Variants in NID1 observed in about 807,000 individuals in gnomAD.
NID1 encodes the protein nidogen-1.
NID1 carries 76 observed loss-of-function variants against 130.6 expected under a neutral mutation model. That is an observed-to-expected ratio of 0.58 (90% confidence interval 0.48 to 0.70). NID1 has a LOEUF of 0.70. NID1 is among the 30% of genes least tolerant of loss of function. The pLI, the probability that NID1 is intolerant of heterozygous loss-of-function variation, is 0.00. For missense variants in NID1, 1,517 were observed against 1,664.8 expected, an observed-to-expected ratio of 0.91 and a Z score of 1.54; for synonymous variants, 665 against 675.1, an observed-to-expected ratio of 0.98 and a Z score of 0.23.
At chr1:236,052,227 T>C (rs1659778634) in intron 1 of NID1, among the ~76,000 whole-genome samples, 1 of 152,278 alleles carries the variant, frequency 6.6e-6, no homozygotes, top group South Asian at 2.1e-4. Flanking sequence ...AAGTCTCATT[T>C]TGCAAAGTCT....
intron 4 of NID1, 106 bp from the exon 5 acceptor site, chr1:236,038,359 A>G: frequency 2.4e-6 from 3 of 1,231,390 alleles, no homozygotes; most frequent in Non-Finnish European, 3.4e-6. Context: ...TCACACCTGC[A>G]TGGGCAATTC....
chr1:235,995,364 T>C (rs1205030385), intron 12 of NID1, among the ~76,000 whole-genome samples: 1 of 152,206 alleles, frequency 6.6e-6, no homozygotes, highest in African/African-American at 2.4e-5. Flanking sequence ...ACCTGTGGAT[T>C]GGTATCTTCA....
intron 5 of NID1, among the ~76,000 whole-genome samples, chr1:236,036,999 C>T (rs74149508): frequency 0.023 from 3,478 of 152,246 alleles, 138 homozygotes; most frequent in African/African-American, 0.079. Flanking sequence ...GGGGTTTTGC[C>T]ATTTTTGTGT....
At chr1:236,050,923 CA>C (rs111318588) in intron 1 of NID1, among the ~76,000 whole-genome samples, 8,998 of 149,060 alleles carry the variant, frequency 0.06, 788 homozygotes, top group African/African-American at 0.19. Context: ...ACTAAAAATA[CA>C]AAAAAAAAAT....
chr1:236,021,500 C>G (rs1658763804), intron 9 of NID1, among the ~76,000 whole-genome samples: 1 of 152,222 alleles, frequency 6.6e-6, no homozygotes, highest in Non-Finnish European at 1.5e-5. Flanking sequence ...GAGGCCCTGA[C>G]AGCAGGATCT....
intron 12 of NID1, among the ~76,000 whole-genome samples, chr1:236,003,188 G>GTTGTCACTCCTAGTGAACGACTA (rs1658135136): frequency 1.4e-5 from 1 of 73,744 alleles, no homozygotes. Flanking sequence ...GTGAACGACT[G>GTTGTCACTCCTAGTGAACGACTA]GTAGTTGTCA....
At chr1:235,984,011 C>T (rs890673929) in intron 15 of NID1, among the ~76,000 whole-genome samples, 2 of 151,860 alleles carry the variant, frequency 1.3e-5, no homozygotes, top group Non-Finnish European at 2.9e-5. Context: ...AAATTATTCC[C>T]AGTGATCTTT....
chr1:236,043,851 A>G (rs1659524753), intron 3 of NID1, among the ~76,000 whole-genome samples: 1 of 152,196 alleles, frequency 6.6e-6, no homozygotes, highest in African/African-American at 2.4e-5. Flanking sequence ...TGGCTGTGAG[A>G]TCTTGGACTA....
chr1:236,004,655 G>A (rs868314789), intron 12 of NID1, among the ~76,000 whole-genome samples: 4 of 151,290 alleles, frequency 2.6e-5, no homozygotes, highest in African/African-American at 4.9e-5. Context: ...CCAGCTACTC[G>A]GGAGGCTAAG....
chr1:236,038,059 G>A (rs564547012), intron 5 of NID1, 45 bp downstream of exon 5: 41 of 1,562,770 alleles, frequency 2.6e-5, no homozygotes, highest in East Asian at 6.9e-5. Flanking sequence ...CAAAAACTCC[G>A]CTCCTCCTTC....
At chr1:236,059,445 C>A (rs903540218) in intron 1 of NID1, among the ~76,000 whole-genome samples, 2 of 152,148 alleles carry the variant, frequency 1.3e-5, no homozygotes, top group African/African-American at 4.8e-5. Flanking sequence ...TTACAGTTTA[C>A]AAAGCATTTT....
At chr1:235,980,850 G>A (rs1189090966) in intron 16 of NID1, among the ~76,000 whole-genome samples, 197 bp from the exon 17 acceptor site, 1 of 152,188 alleles carries the variant, frequency 6.6e-6, no homozygotes, top group Non-Finnish European at 1.5e-5. Context: ...TTTGAGTTTG[G>A]TGATTCTGTT....
chr1:235,990,449 C>G (rs545371961), intron 14 of NID1, among the ~76,000 whole-genome samples: 1 of 152,338 alleles, frequency 6.6e-6, no homozygotes, highest in East Asian at 1.9e-4. Context: ...TCTGACTCAG[C>G]CTTGTAGTGG....
intron 12 of NID1, among the ~76,000 whole-genome samples, chr1:236,000,945 G>C (rs374902240): frequency 1.5e-4 from 23 of 152,202 alleles, no homozygotes; most frequent in African/African-American, 5.5e-4. Context: ...TTGGGAAGGT[G>C]CTATTTATTC....
At chr1:236,030,586 C>T (rs963783097) in intron 6 of NID1, among the ~76,000 whole-genome samples, 2 of 152,192 alleles carry the variant, frequency 1.3e-5, no homozygotes, top group African/African-American at 4.8e-5. Flanking sequence ...TATATATTGT[C>T]TGTGGTTGCT....
Position 235,993,767 on chromosome 1 carries a change from C to A in NID1, c.2633G>T (p.Cys878Phe), listed in dbSNP as rs1434845464. The A allele has an allele frequency of 1.9e-6, 3 of 1,614,122 alleles. No individual in the cohort carries two copies. ...GGGCGCGTAGTGCCCGTGCGCATCG[C>A]ACTCAGGAACGAACAGCCCCGGAGG... Reference protein sequence around the residue: ...PIPPGLFVPECDAHGHYAPTQ... With the variant: ...PIPPGLFVPEFDAHGHYAPTQ... Residue 878 changes from cysteine to phenylalanine, a missense_variant, in exon 13 of 20, where the codon TGC becomes TTC. By Grantham distance (205) the Cys-to-Phe change is radical (BLOSUM62 -2). Coordinates refer to ENST00000264187, the MANE Select transcript of NID1 (RefSeq NM_002508.3).
chr1:236,065,015 A>AGCAGCAGCG lies in NID1; in HGVS notation c.56_64dup (p.Pro19_Leu21dup), dbSNP rs1393843215. 5.8e-6 allele frequency: 9 copies of AGCAGCAGCG among 1,563,554 alleles called. No homozygotes were observed. The highest frequency in any genetic ancestry group is 6.1e-6 in the Non-Finnish European group (7 of 1,154,432). Reference sequence around the variant, plus strand: ...GCTCAGGCAGCCCACAGGCCCCGCCAGCAGCAGCGGCAGCAGCAGCGCCCG... The same window carrying AGCAGCAGCG: ...GCTCAGGCAGCCCACAGGCCCCGCCAGCAGCAGCGGCAGCAGCGGCAGCAGCAGCGCCCG... On this transcript the variant is annotated inframe_insertion, in exon 1 of 20. Coordinates refer to ENST00000264187, the MANE Select transcript of NID1 (RefSeq NM_002508.3). The surrounding 1 kb of genome is among the most constrained non-coding windows in gnomAD (Gnocchi z 4.1).
At chr1:236,051,800 T>G (rs1285301096) in intron 1 of NID1, among the ~76,000 whole-genome samples, 1 of 152,262 alleles carries the variant, frequency 6.6e-6, no homozygotes, top group Non-Finnish European at 1.5e-5. Flanking sequence ...ACAATTTAGT[T>G]TTAAAAAGCT....
intron 16 of NID1, among the ~76,000 whole-genome samples, chr1:235,981,298 T>G (rs1471283168): frequency 6.6e-6 from 1 of 152,214 alleles, no homozygotes; most frequent in Non-Finnish European, 1.5e-5. Flanking sequence ...CCTGCTACTC[T>G]TCTGGAGTTG....
Sources: gnomAD v4.1 joint callset for allele counts (sites outside exome capture counted in the v4.1 genomes callset) on GRCh38, gnomAD v4.1.1 for gene constraint, Gnocchi (gnomAD v3.1) non-coding constraint, MANE v1.5 for transcripts, NCBI Gene and HGNC (gene_info 2026-07-23, HGNC 2026-07-21) for gene names.